SCML2: variants seen among roughly 807,000 people sequenced by gnomAD.
SCML2 encodes Scm polycomb group protein like 2, also known as sex comb on midleg-like protein 2.
SCML2 carries 6 observed loss-of-function variants against 48.4 expected under a neutral mutation model. The ratio of observed to expected loss-of-function variants is 0.12; its 90% CI spans 0.07 to 0.24. The LOEUF is 0.24. Among genes scored for constraint, SCML2 ranks in the 10% least tolerant of loss-of-function variants. The pLI is 1.00. For synonymous variants in SCML2, 181 were observed against 189.5 expected (o/e 0.95, Z 0.37); for missense variants, 377 against 528.2 (o/e 0.71, Z 2.81).
chrX:18,346,012 G>A (rs1409626863), intron 1 of SCML2, among the ~76,000 whole-genome samples: 9 of 109,399 alleles, frequency 8.2e-5, no homozygotes, highest in African/African-American at 3.0e-4. Context: ...TGATCCTCCT[G>A]CCTCAGCCTC....
chrX:18,328,988 G>A (rs1032991276), intron 3 of SCML2, among the ~76,000 whole-genome samples: 27 of 111,439 alleles, frequency 2.4e-4, no homozygotes, highest in African/African-American at 8.8e-4. Context: ...TTTGCCTAGA[G>A]CTGGGGGAGA....
intron 9 of SCML2, among the ~76,000 whole-genome samples, chrX:18,259,697 T>G (rs1416842355): frequency 1.8e-5 from 2 of 112,115 alleles, no homozygotes; most frequent in African/African-American, 6.5e-5. Flanking sequence ...ATTTTTAAAG[T>G]GACTTCTATT....
intron 10 of SCML2, 126 bp downstream of exon 10, chrX:18,257,918 G>C (rs1293577682): frequency 3.5e-5 from 15 of 424,713 alleles, no homozygotes; most frequent in Non-Finnish European, 6.0e-5. Context: ...AAGAAAGGGC[G>C]GGGGAGGGGG....
intron 7 of SCML2, among the ~76,000 whole-genome samples, chrX:18,268,008 A>G (rs893940908): frequency 1.2e-4 from 14 of 112,248 alleles, no homozygotes; most frequent in African/African-American, 4.5e-4. Flanking sequence ...TTGTTTGCCA[A>G]CTCTTGCTTT....
intron 1 of SCML2, among the ~76,000 whole-genome samples, chrX:18,338,401 G>A (rs1470879788): frequency 1.9e-5 from 2 of 103,458 alleles, no homozygotes; most frequent in Non-Finnish European, 3.9e-5. Flanking sequence ...CCAAGATTGC[G>A]CCAGTGCACT....
intron 7 of SCML2, among the ~76,000 whole-genome samples, chrX:18,269,553 A>T (rs1927378035): frequency 9.0e-6 from 1 of 111,634 alleles, no homozygotes; most frequent in Non-Finnish European, 1.9e-5. Flanking sequence ...AGACTAACAC[A>T]ATTACTAAAC....
intron 1 of SCML2, chrX:18,341,281 G>A: frequency 1.7e-6 from 1 of 575,128 alleles, no homozygotes. Context: ...AGAAAACAGA[G>A]ATGCAGGAGA....
chrX:18,245,212 A>G (rs1270224457), intron 13 of SCML2, among the ~76,000 whole-genome samples: 2 of 112,123 alleles, frequency 1.8e-5, no homozygotes, highest in Non-Finnish European at 1.9e-5. Context: ...ACCAGTAAGT[A>G]AATTACTAGA....
intron 7 of SCML2, among the ~76,000 whole-genome samples, chrX:18,298,117 G>A (rs1249856565): frequency 8.9e-6 from 1 of 111,770 alleles, no homozygotes; most frequent in Non-Finnish European, 1.9e-5. Context: ...AAAAACTAAT[G>A]AGGACATGAA....
In SCML2 at chrX:18,275,017, C is replaced by T. The variant is rs142028572; in HGVS notation, c.731-9215G>A. Among the ~76,000 whole-genome samples, 861 of 111,964 alleles carry T rather than the reference C, an allele frequency of 7.7e-3. 5 individuals are homozygous for T. Among genetic ancestry groups the T allele is most frequent in the Non-Finnish European group, 0.013 (678 of 53,175 alleles). On this transcript the variant is annotated intron_variant, in intron 7 of 14. Transcript: ENST00000251900. Reference sequence around the variant, plus strand: ...TAACTCTTTCAACCAATTGCCAATTCGAAAAATTTTAACTCTATGACCTGG... The same window carrying T: ...TAACTCTTTCAACCAATTGCCAATTTGAAAAATTTTAACTCTATGACCTGG...
chrX:18,305,278 G>A (rs887571309), intron 6 of SCML2, 63 bp from the exon 7 acceptor site: 5 of 1,066,958 alleles, frequency 4.7e-6, no homozygotes, highest in East Asian at 6.1e-5. Context: ...TCATGTGCTC[G>A]AAGTGAAAAG....
chrX:18,305,335 G>T, intron 6 of SCML2, 120 bp from the exon 7 acceptor site: 1 of 608,641 alleles, frequency 1.6e-6, no homozygotes, highest in Non-Finnish European at 2.5e-6. Flanking sequence ...TAAGCTCCAT[G>T]TTTAATTATC....
chrX:18,295,010 G>A lies in SCML2; in HGVS notation c.730+9962C>T, dbSNP rs180835208. Among the ~76,000 whole-genome samples the A allele has an allele frequency of 2.7e-5, 3 of 111,082 alleles. No homozygotes were observed. In the East Asian group the frequency reaches 8.6e-4, roughly 32 times the overall value. The stretch of plus-strand genomic sequence containing the variant: ...ATTACCCCCCACCCCCAGAAGCAAG[G>A]CCACCTCTGCGTACTTGCACACTGG... On this transcript the variant is annotated intron_variant, in intron 7 of 14. Coordinates refer to ENST00000251900, the MANE Select transcript of SCML2 (RefSeq NM_006089.3).
At chrX:18,287,390 GCTTGGGGACCTAAGATAAACA>G (rs2147505777) in intron 7 of SCML2, among the ~76,000 whole-genome samples, 1 of 111,392 alleles carries the variant, frequency 9.0e-6, no homozygotes, top group South Asian at 3.8e-4. Flanking sequence ...TCAAAACAGG[GCTTGGGGACCTAAGATAAACA>G]GATTAAAGAA....
At chrX:18,293,201 T>C (rs1056076944) in intron 7 of SCML2, among the ~76,000 whole-genome samples, 2 of 111,910 alleles carry the variant, frequency 1.8e-5, no homozygotes, top group South Asian at 7.3e-4. Context: ...ACAAATTATA[T>C]CTAAAAAACT....
At chrX:18,354,909 G>T (rs1018523721), upstream of SCML2, among the ~76,000 whole-genome samples, 1 of 112,159 alleles carries the variant, frequency 8.9e-6, no homozygotes, top group Middle Eastern at 4.6e-3. Flanking sequence ...CCACGCCTAC[G>T]CCAAATGAAA....
At chrX:18,305,907 C>G (rs1485303624) in intron 6 of SCML2, among the ~76,000 whole-genome samples, 1 of 111,066 alleles carries the variant, frequency 9.0e-6, no homozygotes, top group Non-Finnish European at 1.9e-5. Context: ...TAAATGTTAA[C>G]AGGATTGCTA....
intron 11 of SCML2, among the ~76,000 whole-genome samples, chrX:18,251,430 C>T (rs751515832): frequency 9.4e-6 from 1 of 106,024 alleles, no homozygotes; most frequent in Non-Finnish European, 1.9e-5. Flanking sequence ...ATACGAAGAA[C>T]TCTTATGACT....
intron 1 of SCML2, among the ~76,000 whole-genome samples, chrX:18,335,485 C>CA (rs757722731): frequency 9.0e-5 from 10 of 110,990 alleles, no homozygotes; most frequent in Admixed American, 3.9e-4. Flanking sequence ...CCCTGGGAGT[C>CA]AGAGTGAGAC....
Sources: gnomAD v4.1 joint callset for allele counts (sites outside exome capture counted in the v4.1 genomes callset) on GRCh38, gnomAD v4.1.1 for gene constraint, MANE v1.5 for transcripts, NCBI Gene and HGNC (gene_info 2026-07-23, HGNC 2026-07-21) for gene names.